The following SPIDR variants were observed in gnomAD, a reference collection of about 807,000 sequenced individuals.
SPIDR encodes DNA repair-scaffolding protein.
Under a neutral mutation model 104.6 loss-of-function variants are expected in SPIDR, and 93 were observed. That is an observed-to-expected ratio of 0.89 (90% confidence interval 0.75 to 1.06). The LOEUF (loss-of-function observed/expected upper bound fraction) is 1.06. Among genes scored for constraint, SPIDR ranks in the 50% least tolerant of loss-of-function variants. The pLI is 0.00. For missense variants in SPIDR, 1,154 were observed against 1,111.2 expected, an observed-to-expected ratio of 1.04 and a Z score of -0.55; for synonymous variants, 431 against 416.9, an observed-to-expected ratio of 1.03 and a Z score of -0.41.
intron 10 of SPIDR, among the ~76,000 whole-genome samples, chr8:47,609,916 A>G (rs1047359925): frequency 1.3e-5 from 2 of 152,230 alleles, no homozygotes; most frequent in African/African-American, 4.8e-5. Context: ...GTGAAATGGA[A>G]TGGCAACAGC....
intron 5 of SPIDR, among the ~76,000 whole-genome samples, chr8:47,349,432 C>A (rs1434334868): frequency 6.6e-6 from 1 of 152,176 alleles, no homozygotes; most frequent in African/African-American, 2.4e-5. Flanking sequence ...GTCAGGGACC[C>A]CCTTGAGGAG....
intron 8 of SPIDR, among the ~76,000 whole-genome samples, chr8:47,469,884 C>T (rs577667795): frequency 3.3e-5 from 5 of 152,200 alleles, no homozygotes; most frequent in African/African-American, 9.6e-5. Flanking sequence ...AAGAAAACTA[C>T]AAAACATTGC....
In SPIDR at chr8:47,386,910, GATAT is replaced by G. The variant is rs1563811314; in HGVS notation, c.526-9464_526-9461del. 1.7e-3 allele frequency among the ~76,000 whole-genome samples: 42 copies of G among 25,150 alleles called. 1 individual carries two copies. Among genetic ancestry groups the G allele is most frequent in the African/African-American group, 9.0e-3 (37 of 4,130 alleles). 16.5% of individuals were successfully genotyped at this position (25,150 alleles called of 152,430 possible). A position where few individuals can be genotyped will look rare whatever the true frequency, so the allele number is the denominator to read the frequency against. On this transcript the variant is annotated intron_variant, in intron 5 of 19. Transcript: ENST00000297423. ...AGAGAGAAAGAGAGAGAGAGATATAGATATAGATATAGATATAGATATAGATATA... is the reference window on the plus strand; with the variant it reads ...AGAGAGAAAGAGAGAGAGAGATATAGAGATATAGATATAGATATAGATATA...
rs142629707 is a variant in SPIDR at position 47,360,850 on chromosome 8, C to T, written c.526-35526C>T. 3.1e-4 allele frequency: 303 copies of T among 985,420 alleles called. No homozygotes were observed. In the African/African-American group the frequency reaches 4.7e-3, roughly 15 times the overall value. The allele number at this position is 985,420 out of a possible 1,614,324, so 61.0% of individuals were successfully genotyped here. On this transcript the variant is annotated intron_variant, in intron 5 of 19. Coordinates refer to ENST00000297423, the MANE Select transcript of SPIDR (RefSeq NM_001080394.4). ...TGAAGGTATCTGGTGGTGTTTTCAG[C>T]CTTCTTCTTGGACGTGCTGGACCAC...
chr8:47,592,740 C>G, intron 8 of SPIDR: 1 of 513,042 alleles, frequency 1.9e-6, no homozygotes, highest in Non-Finnish European at 3.5e-6. Context: ...TTAGAACCAC[C>G]TCAGACAATG....
At chr8:47,360,640 C>T (rs2055675596) in intron 5 of SPIDR, among the ~76,000 whole-genome samples, 1 of 152,144 alleles carries the variant, frequency 6.6e-6, no homozygotes, top group South Asian at 2.1e-4. Flanking sequence ...GGATGTGATT[C>T]CAGCGTTGTC....
intron 5 of SPIDR, among the ~76,000 whole-genome samples, chr8:47,318,461 C>T (rs1347242504): frequency 6.7e-5 from 10 of 149,638 alleles, no homozygotes; most frequent in Non-Finnish European, 1.0e-4. Context: ...ACCAAATCTA[C>T]GTCTCATTGG....
chr8:47,452,942 T>A (rs1444745178), intron 8 of SPIDR, among the ~76,000 whole-genome samples: 10 of 152,116 alleles, frequency 6.6e-5, no homozygotes, highest in African/African-American at 2.4e-4. Context: ...GTAGATGACA[T>A]GAATATATAG....
At chr8:47,339,475 T>C (rs1473348479) in intron 5 of SPIDR, among the ~76,000 whole-genome samples, 1 of 152,178 alleles carries the variant, frequency 6.6e-6, no homozygotes, top group Non-Finnish European at 1.5e-5. Flanking sequence ...CATGTTTTTT[T>C]CGCTTACCTG....
At chr8:47,486,532 C>T (rs1268127428) in intron 8 of SPIDR, among the ~76,000 whole-genome samples, 2 of 152,182 alleles carry the variant, frequency 1.3e-5, no homozygotes, top group South Asian at 2.1e-4. Flanking sequence ...AAGAGCAACT[C>T]CAAGACACAT....
chr8:47,400,673 C>T (rs941915001), intron 6 of SPIDR, among the ~76,000 whole-genome samples: 6 of 125,726 alleles, frequency 4.8e-5, no homozygotes, highest in Non-Finnish European at 8.6e-5. Flanking sequence ...CTTTTTCTTT[C>T]TTTCTTTTTT....
chr8:47,442,362 A>G (rs1344954626), intron 8 of SPIDR, among the ~76,000 whole-genome samples: 2 of 152,182 alleles, frequency 1.3e-5, no homozygotes, highest in Non-Finnish European at 2.9e-5. Context: ...CACAATCTAT[A>G]TGTAAGTTAT....
At chr8:47,573,194 G>A (rs912042829) in intron 8 of SPIDR, among the ~76,000 whole-genome samples, 2 of 152,214 alleles carry the variant, frequency 1.3e-5, no homozygotes. Flanking sequence ...TGTTTGTCCT[G>A]ATTGTTTTTC....
At chr8:47,381,511 A>G (rs1314677085) in intron 5 of SPIDR, among the ~76,000 whole-genome samples, 1 of 152,200 alleles carries the variant, frequency 6.6e-6, no homozygotes, top group African/African-American at 2.4e-5. Flanking sequence ...TTATGGTGCT[A>G]CTGACTGTGC....
chr8:47,480,869 A>G (rs2076829205), intron 8 of SPIDR, among the ~76,000 whole-genome samples: 4 of 152,208 alleles, frequency 2.6e-5, no homozygotes, highest in South Asian at 4.1e-4. Context: ...TTGATTTGTC[A>G]TTGTACAAAC....
intron 14 of SPIDR, among the ~76,000 whole-genome samples, chr8:47,705,264 C>T (rs962679959): frequency 3.9e-5 from 6 of 152,168 alleles, no homozygotes; most frequent in South Asian, 4.1e-4. Context: ...TAATGTTAAT[C>T]CCCTCCTATC....
At chr8:47,337,673 A>C (rs1248984862) in intron 5 of SPIDR, among the ~76,000 whole-genome samples, 1 of 149,624 alleles carries the variant, frequency 6.7e-6, no homozygotes, top group Non-Finnish European at 1.5e-5. Flanking sequence ...GGTCATGAAG[A>C]TTTATACCTG....
intron 8 of SPIDR, among the ~76,000 whole-genome samples, chr8:47,560,571 A>G (rs1377002669): frequency 6.6e-6 from 1 of 151,992 alleles, no homozygotes; most frequent in Non-Finnish European, 1.5e-5. Context: ...AGTTCCAGAA[A>G]CCCAGTGTGA....
intron 5 of SPIDR, among the ~76,000 whole-genome samples, chr8:47,374,643 T>A (rs1386045266): frequency 6.6e-6 from 1 of 152,228 alleles, no homozygotes; most frequent in African/African-American, 2.4e-5. Flanking sequence ...TAGTTTTAGA[T>A]GTTTTCTTCA....
Sources: gnomAD v4.1 joint callset for allele counts (sites outside exome capture counted in the v4.1 genomes callset) on GRCh38, gnomAD v4.1.1 for gene constraint, MANE v1.5 for transcripts, NCBI Gene and HGNC (gene_info 2026-07-23, HGNC 2026-07-21) for gene names.